Variants in SCML4 observed in about 807,000 individuals in gnomAD.
SCML4 encodes the protein Scm polycomb group protein like 4, also known as sex comb on midleg-like protein 4.
In SCML4, 34 loss-of-function variants were observed where a neutral mutation model predicts 41.1. The observed-to-expected ratio is 0.83, with a 90% confidence interval of 0.63 to 1.10. SCML4 has a LOEUF of 1.10. SCML4 is among the 50% of genes least tolerant of loss of function. The pLI is 0.00. For missense variants in SCML4, 522 were observed against 534.1 expected (o/e 0.98, Z 0.22); for synonymous variants, 214 against 220.9 (o/e 0.97, Z 0.28).
chr6:107,714,497 C>T (rs1316938954), intron 6 of SCML4, among the ~76,000 whole-genome samples: 1 of 152,206 alleles, frequency 6.6e-6, no homozygotes. Flanking sequence ...TCCCTGACAG[C>T]AATCATCACA....
At chr6:107,758,611 T>C (rs927014356) in intron 2 of SCML4, among the ~76,000 whole-genome samples, 3 of 152,032 alleles carry the variant, frequency 2.0e-5, no homozygotes, top group Non-Finnish European at 4.4e-5. Flanking sequence ...GCTTATAAGA[T>C]GAAAAAAACT....
intron 7 of SCML4, among the ~76,000 whole-genome samples, chr6:107,706,737 C>G (rs933960734): frequency 3.3e-5 from 5 of 152,026 alleles, no homozygotes; most frequent in African/African-American, 4.8e-5. Flanking sequence ...GCTCCTTAAA[C>G]GTGGAAGAGG....
upstream of SCML4, among the ~76,000 whole-genome samples, chr6:107,825,780 A>G (rs942175239): frequency 6.6e-6 from 1 of 151,920 alleles, no homozygotes; most frequent in Non-Finnish European, 1.5e-5. Flanking sequence ...TACTAAAAAT[A>G]CAAAAAATTA....
chr6:107,810,423 G>A (rs934222057), intron 1 of SCML4, among the ~76,000 whole-genome samples: 2 of 152,110 alleles, frequency 1.3e-5, no homozygotes, highest in Non-Finnish European at 1.5e-5. Flanking sequence ...CTGTGGGCAG[G>A]AAAAAGGCAG....
intron 1 of SCML4, among the ~76,000 whole-genome samples, chr6:107,774,677 G>A (rs1161907953): frequency 6.6e-6 from 1 of 151,888 alleles, no homozygotes; most frequent in Non-Finnish European, 1.5e-5. Flanking sequence ...CTTTACTGAG[G>A]AGTAAAGACA....
At chr6:107,795,026 C>G (rs1305089018) in intron 1 of SCML4, among the ~76,000 whole-genome samples, 1 of 152,172 alleles carries the variant, frequency 6.6e-6, no homozygotes, top group Non-Finnish European at 1.5e-5. Context: ...ATGACCTCAT[C>G]TTAACCAATT....
upstream of SCML4, among the ~76,000 whole-genome samples, chr6:107,825,765 G>A (rs868121009): frequency 2.6e-5 from 4 of 151,020 alleles, no homozygotes; most frequent in Admixed American, 1.3e-4. Flanking sequence ...GTGAAACCCC[G>A]TCTCTACTAA....
chr6:107,812,522 T>G lies in SCML4; in HGVS notation c.-60+11604A>C, dbSNP rs557342913. ...ATTCTAAGTGTTTCTGTGAGGGTGT[T>G]TTTGGAAGAGATTAATATTTGAACT... On this transcript the variant is annotated intron_variant, in intron 1 of 7. Coordinates refer to ENST00000369020, the MANE Select transcript of SCML4 (RefSeq NM_198081.5). 2.0e-5 allele frequency among the ~76,000 whole-genome samples: 3 copies of G among 149,428 alleles called. No homozygotes were observed. The South Asian group carries it at 6.3e-4, about 31-fold the overall frequency.
intron 1 of SCML4, among the ~76,000 whole-genome samples, chr6:107,812,092 G>A (rs184118346): frequency 3.3e-4 from 51 of 152,300 alleles, no homozygotes; most frequent in Admixed American, 7.2e-4. Context: ...ATGGGCAGCC[G>A]AGGCACTGAC....
At chr6:107,721,414 A>C (rs1022555496) in intron 5 of SCML4, among the ~76,000 whole-genome samples, 1 of 152,016 alleles carries the variant, frequency 6.6e-6, no homozygotes, top group Non-Finnish European at 1.5e-5. Flanking sequence ...AAATACAAAA[A>C]ATTAGCCGGA....
intron 5 of SCML4, among the ~76,000 whole-genome samples, chr6:107,741,428 T>C (rs1396791780): frequency 6.6e-6 from 1 of 152,210 alleles, no homozygotes; most frequent in African/African-American, 2.4e-5. Flanking sequence ...GCAGGAGGCC[T>C]GTCCTTGCCT....
intron 5 of SCML4, among the ~76,000 whole-genome samples, chr6:107,735,567 G>A (rs1776980747): frequency 1.3e-5 from 2 of 151,978 alleles, no homozygotes; most frequent in South Asian, 4.1e-4. Flanking sequence ...GGGAGGCTGA[G>A]GCAGGTGAAT....
Position 107,708,006 on chromosome 6 carries a change from T to C in SCML4, c.979A>G (p.Ser327Gly). 2 of 1,550,594 alleles carry C rather than the reference T, an allele frequency of 1.3e-6. No homozygotes were observed. The highest frequency in any genetic ancestry group is 1.7e-4 in the Middle Eastern group (1 of 5,992). The stretch of plus-strand genomic sequence containing the variant: ...GCATCCTGCGCATCCTGAGAAGGGC[T>C]TGAGGCTGGATGGGGCACAGAGAGG... Reference protein sequence around the residue: ...TSLEGNRCASSPSQDAQDARR... With the variant: ...TSLEGNRCASGPSQDAQDARR... Residue 327 changes from serine to glycine, a missense_variant, in exon 7 of 8, where the codon AGC becomes GGC. By Grantham distance (56) the Ser-to-Gly change is moderately conservative. Transcript: ENST00000369020.
rs1554198625 is a variant in SCML4 at position 107,704,646 on chromosome 6, A to AC, written c.*553_*554insG. ...TTCAGATTTTCTAGGAACAGAAAAG[A>AC]TTTTTTTTTTTTTCCTTTTTCTTTC... On this transcript the variant is annotated 3_prime_UTR_variant, in exon 8 of 8. Coordinates refer to ENST00000369020, the MANE Select transcript of SCML4 (RefSeq NM_198081.5). 6.7e-6 allele frequency: 1 copy of AC among 149,544 alleles called. No individual in the cohort carries two copies. Among genetic ancestry groups the AC allele is most frequent in the Non-Finnish European group, 1.5e-5 (1 of 68,276 alleles). 9.3% of individuals were successfully genotyped at this position (149,544 alleles called of 1,614,324 possible). A position where few individuals can be genotyped will look rare whatever the true frequency, so the allele number is the denominator to read the frequency against.
At chr6:107,797,519 G>A (rs945461729) in intron 1 of SCML4, among the ~76,000 whole-genome samples, 5 of 151,876 alleles carry the variant, frequency 3.3e-5, no homozygotes, top group African/African-American at 1.2e-4. Context: ...TATATAGTAA[G>A]GCTTTTTGTA....
chr6:107,708,063 A>C, intron 6 of SCML4, 52 bp from the exon 7 acceptor site: 1 of 1,535,422 alleles, frequency 6.5e-7, no homozygotes, highest in Non-Finnish European at 8.8e-7. Flanking sequence ...AGGGCCTTGC[A>C]CCTACCTGGT....
intron 6 of SCML4, among the ~76,000 whole-genome samples, chr6:107,714,399 G>A (rs1774543374): frequency 6.6e-6 from 1 of 152,022 alleles, no homozygotes. Context: ...CAGCTCCACT[G>A]CCCCTTCTCT....
chr6:107,756,915 C>A (rs1418747862), intron 2 of SCML4, among the ~76,000 whole-genome samples: 4 of 152,184 alleles, frequency 2.6e-5, no homozygotes, highest in Non-Finnish European at 5.9e-5. Context: ...CATACAGGAG[C>A]TAATCCTGGG....
chr6:107,725,591 C>G (rs1562185582), intron 5 of SCML4, among the ~76,000 whole-genome samples: 1 of 152,106 alleles, frequency 6.6e-6, no homozygotes, highest in Non-Finnish European at 1.5e-5. Flanking sequence ...AAAGCCCTTA[C>G]TCACACCATA....
Sources: allele counts gnomAD v4.1 joint callset (sites outside exome capture counted in the v4.1 genomes callset), GRCh38; gene constraint gnomAD v4.1.1; transcripts MANE v1.5; gene names NCBI Gene and HGNC (gene_info 2026-07-23, HGNC 2026-07-21).